Variants in COG5 observed in about 807,000 individuals in gnomAD.
The protein encoded by COG5 is conserved oligomeric Golgi complex subunit 5.
COG5 carries 86 observed loss-of-function variants against 110.4 expected under a neutral mutation model. The ratio of observed to expected loss-of-function variants is 0.78; its 90% CI spans 0.65 to 0.93. The LOEUF (loss-of-function observed/expected upper bound fraction) is 0.93. COG5 is among the 40% of genes least tolerant of loss of function. COG5 has a pLI of 0.00. For missense variants in COG5, 1,077 were observed against 987.0 expected, an observed-to-expected ratio of 1.09 and a Z score of -1.22; for synonymous variants, 360 against 334.6, an observed-to-expected ratio of 1.08 and a Z score of -0.83.
At chr7:107,414,181 G>A (rs2129068191) in intron 6 of COG5, among the ~76,000 whole-genome samples, 1 of 152,274 alleles carries the variant, frequency 6.6e-6, no homozygotes, top group East Asian at 1.9e-4. Context: ...TTAAAAATAT[G>A]TAAATGTTTA....
At chr7:107,368,258 G>A (rs183714405) in intron 8 of COG5, among the ~76,000 whole-genome samples, 1 of 152,102 alleles carries the variant, frequency 6.6e-6, no homozygotes, top group East Asian at 1.9e-4. Context: ...AGTCCTTGAT[G>A]TCACATAAAT....
chr7:107,549,230 C>A (rs573977900), intron 3 of COG5: 22 of 152,214 alleles, frequency 1.4e-4, no homozygotes, highest in African/African-American at 5.1e-4. Context: ...TCTCCACAAC[C>A]CAGTCTCAAT....
chr7:107,547,329 G>A (rs2712213), intron 5 of COG5, among the ~76,000 whole-genome samples: 65,544 of 151,860 alleles, frequency 0.43, 14,366 homozygotes, highest in Non-Finnish European at 0.47. Context: ...ACAACACATC[G>A]TGTTAAAAAC....
rs7790708 is a variant in COG5 at position 107,333,674 on chromosome 7, C to T, written c.1027-9153G>A. ...ACAAAGACTTTTTACAAAATAGTAA[C>T]AGGTGTTGTCTCTGGATGAAAGGAT... On this transcript the variant is annotated intron_variant, in intron 10 of 21. Transcript: ENST00000297135. Among the ~76,000 whole-genome samples the T allele has an allele frequency of 5.4e-3, 826 of 152,116 alleles. 9 individuals are homozygous for T. Among genetic ancestry groups the T allele is most frequent in the African/African-American group, 0.019 (804 of 41,510 alleles).
chr7:107,217,427 T>C (rs555329625), intron 19 of COG5, among the ~76,000 whole-genome samples: 10 of 152,168 alleles, frequency 6.6e-5, no homozygotes, highest in African/African-American at 1.2e-4. Flanking sequence ...CAAAATGACA[T>C]AGAAGAAACT....
chr7:107,359,899 T>C (rs574537028), intron 10 of COG5, among the ~76,000 whole-genome samples: 4 of 141,298 alleles, frequency 2.8e-5, no homozygotes, highest in Admixed American at 2.8e-4. Flanking sequence ...AGACTGTACA[T>C]ACATCAAGGT....
chr7:107,341,270 T>C (rs1278507037), intron 10 of COG5, among the ~76,000 whole-genome samples: 1 of 151,974 alleles, frequency 6.6e-6, no homozygotes, highest in East Asian at 1.9e-4. Context: ...TGTAATCCCA[T>C]TTACAATAGC....
chr7:107,230,181 A>G lies in COG5; in HGVS notation c.2168+434T>C, dbSNP rs143894621. 2.2e-3 allele frequency among the ~76,000 whole-genome samples: 340 copies of G among 152,190 alleles called. 1 individual carries two copies. Among genetic ancestry groups the G allele is most frequent in the African/African-American group, 7.7e-3 (319 of 41,538 alleles). ...CTTGATTCTTTTAATACTTCATTCA[A>G]TAGTTTTATCATATCCATATCTTGG... On this transcript the variant is annotated intron_variant, in intron 19 of 21. Coordinates refer to ENST00000297135, the MANE Select transcript of COG5 (RefSeq NM_006348.5).
At chr7:107,462,589 G>T (rs903733604) in intron 6 of COG5, among the ~76,000 whole-genome samples, 1 of 111,254 alleles carries the variant, frequency 9.0e-6, no homozygotes. Context: ...AAACACATTA[G>T]AACTAGGAGA....
At chr7:107,542,971 CAAA>C (rs10706886) in intron 5 of COG5, among the ~76,000 whole-genome samples, 21 of 120,188 alleles carry the variant, frequency 1.7e-4, no homozygotes, top group Admixed American at 1.7e-4. Flanking sequence ...AACTCTGTCT[CAAA>C]AAAAAAAAAA....
chr7:107,384,601 G>T (rs908881368), intron 7 of COG5, among the ~76,000 whole-genome samples: 1 of 152,148 alleles, frequency 6.6e-6, no homozygotes, highest in African/African-American at 2.4e-5. Context: ...GGACGAACAA[G>T]GACCCCATCG....
intron 6 of COG5, among the ~76,000 whole-genome samples, chr7:107,439,203 A>G (rs1794556894): frequency 6.6e-6 from 1 of 152,056 alleles, no homozygotes; most frequent in Non-Finnish European, 1.5e-5. Context: ...ACTCTCTTAC[A>G]TCATCAATTT....
At chr7:107,457,136 C>T (rs1009949642) in intron 6 of COG5, among the ~76,000 whole-genome samples, 1 of 151,900 alleles carries the variant, frequency 6.6e-6, no homozygotes, top group African/African-American at 2.4e-5. Flanking sequence ...ATTAAAATAT[C>T]TATTAAAAGT....
At chr7:107,562,051 A>T (rs1232290122) in intron 1 of COG5, among the ~76,000 whole-genome samples, 1 of 152,200 alleles carries the variant, frequency 6.6e-6, no homozygotes, top group Non-Finnish European at 1.5e-5. Context: ...AAGGGAAAAA[A>T]GGTGCAACAG....
chr7:107,473,507 C>G (rs1449395583), intron 6 of COG5, among the ~76,000 whole-genome samples: 2 of 151,894 alleles, frequency 1.3e-5, no homozygotes, highest in African/African-American at 4.8e-5. Flanking sequence ...TGAATTCAAT[C>G]AACATGGATA....
intron 7 of COG5, among the ~76,000 whole-genome samples, chr7:107,399,184 A>G (rs1791241961): frequency 1.3e-5 from 2 of 152,294 alleles, no homozygotes; most frequent in Admixed American, 1.3e-4. Flanking sequence ...CCTGGGTGAC[A>G]GAGCGAGACT....
In COG5 at chr7:107,213,316, G is replaced by A. The variant is rs1400040724; in HGVS notation, c.2169-2091C>T. Among the ~76,000 whole-genome samples, 22 of 152,214 alleles carry A rather than the reference G, an allele frequency of 1.4e-4. 1 individual carries two copies. In the South Asian group the frequency reaches 4.6e-3, roughly 32 times the overall value. ...CAGTGCATTTTTTGAAGAGAACAGT[G>A]GCTAGACTTGCCCAAACCCTGAAAT... On this transcript the variant is annotated intron_variant, in intron 19 of 21. Transcript: ENST00000297135.
At chr7:107,252,216 A>C (rs569562190) in intron 16 of COG5, among the ~76,000 whole-genome samples, 1 of 152,164 alleles carries the variant, frequency 6.6e-6, no homozygotes, top group Non-Finnish European at 1.5e-5. Context: ...TGGGCAGCAC[A>C]GTGGAACCCT....
intron 10 of COG5, among the ~76,000 whole-genome samples, chr7:107,333,902 T>C (rs1039700048): frequency 6.6e-5 from 10 of 152,064 alleles, no homozygotes; most frequent in Non-Finnish European, 1.3e-4. Context: ...TGTCAAATAA[T>C]GGTGTTAAAG....
Sources: allele counts gnomAD v4.1 joint callset (sites outside exome capture counted in the v4.1 genomes callset), GRCh38; gene constraint gnomAD v4.1.1; transcripts MANE v1.5; gene names NCBI Gene and HGNC (gene_info 2026-07-23, HGNC 2026-07-21).